The following SEMA3A variants were observed in gnomAD, a reference collection of about 807,000 sequenced individuals.
SEMA3A encodes the protein semaphorin 3A.
SEMA3A carries 29 observed loss-of-function variants against 97.9 expected under a neutral mutation model. The observed-to-expected ratio is 0.30, with a 90% CI of 0.22 to 0.40. SEMA3A has a LOEUF of 0.40. Ranked by LOEUF, SEMA3A falls within the 10% of genes least tolerant of loss-of-function variation. The probability of loss-of-function intolerance (pLI) is 1.00; values close to 1 mark genes in which losing one functional copy is unlikely to be tolerated. For synonymous variants in SEMA3A, 321 were observed against 323.7 expected (o/e 0.99, Z 0.09); for missense variants, 763 against 951.3 (o/e 0.80, Z 2.60).
At chr7:83,977,229 A>G (rs1221164442) in intron 14 of SEMA3A, 33 bp from the exon 15 acceptor site, 1 of 1,309,620 alleles carries the variant, frequency 7.6e-7, no homozygotes, top group South Asian at 1.5e-5. Context: ...GTGTTATTGT[A>G]TCCTTATTTT....
rs538569623 is a variant in SEMA3A, at chr7:83,986,281, T to C, written c.1453-804A>G. Among the ~76,000 whole-genome samples the C allele has an allele frequency of 2.7e-5, 4 of 150,732 alleles. No individual in the cohort carries two copies. The East Asian group carries it at 8.0e-4, about 30-fold the overall frequency. On this transcript the variant is annotated intron_variant, in intron 12 of 16. Transcript: ENST00000265362. Reference sequence around the variant, plus strand: ...GATTACTTCATTATTATGAAAAACATGGTTTCATGTGCGAGGACCTACACT... The same window carrying C: ...GATTACTTCATTATTATGAAAAACACGGTTTCATGTGCGAGGACCTACACT...
intron 1 of SEMA3A, among the ~76,000 whole-genome samples, chr7:84,395,027 T>G (rs1226324139): frequency 6.6e-6 from 1 of 152,072 alleles, no homozygotes; most frequent in African/African-American, 2.4e-5. Context: ...GCCTTGGACA[T>G]GCTTAAAGTA....
chr7:84,199,315 C>T (rs1562848501), upstream of SEMA3A, among the ~76,000 whole-genome samples: 5 of 152,168 alleles, frequency 3.3e-5, no homozygotes, highest in Admixed American at 1.3e-4. Flanking sequence ...AAATCACCTT[C>T]CATACCCATT....
At chr7:84,236,928 C>A (rs1484118279) in intron 3 of SEMA3A, among the ~76,000 whole-genome samples, 1 of 151,338 alleles carries the variant, frequency 6.6e-6, no homozygotes, top group Non-Finnish European at 1.5e-5. Flanking sequence ...GTGTTAATTA[C>A]CTGGAAAAAA....
At chr7:84,232,414 A>G (rs2116359512) in intron 3 of SEMA3A, among the ~76,000 whole-genome samples, 1 of 150,902 alleles carries the variant, frequency 6.6e-6, no homozygotes, top group South Asian at 2.1e-4. Context: ...TCTGTGATAG[A>G]TTGTTTAATC....
intron 15 of SEMA3A, among the ~76,000 whole-genome samples, chr7:83,965,648 A>ATATG (rs1788649403): frequency 1.2e-4 from 1 of 8,524 alleles, no homozygotes; most frequent in African/African-American, 4.4e-4. Context: ...ATATATATAT[A>ATATG]TATATATATA....
chr7:84,090,746 A>C (rs1255163413), intron 4 of SEMA3A, among the ~76,000 whole-genome samples: 1 of 152,030 alleles, frequency 6.6e-6, no homozygotes, highest in African/African-American at 2.4e-5. Context: ...AAATATGTAA[A>C]ATATTCCAGA....
chr7:84,471,732 C>A (rs2116411565), intron 1 of SEMA3A, among the ~76,000 whole-genome samples: 1 of 152,124 alleles, frequency 6.6e-6, no homozygotes, highest in Non-Finnish European at 1.5e-5. Context: ...CCAATTCCCC[C>A]AACCAAAAAG....
At chr7:84,085,402 G>GAA (rs913282610) in intron 4 of SEMA3A, among the ~76,000 whole-genome samples, 1 of 146,326 alleles carries the variant, frequency 6.8e-6, no homozygotes. Context: ...TATTCTGGGA[G>GAA]AAAAAAAAAA....
At chr7:83,984,287 C>G (rs7458473) in intron 13 of SEMA3A, among the ~76,000 whole-genome samples, 3 of 152,054 alleles carry the variant, frequency 2.0e-5, no homozygotes, top group African/African-American at 7.2e-5. Flanking sequence ...TAACAATTTT[C>G]AGATTACGAG....
At chr7:84,328,014 T>C (rs1009436916) in intron 2 of SEMA3A, among the ~76,000 whole-genome samples, 9 of 152,006 alleles carry the variant, frequency 5.9e-5, no homozygotes, top group African/African-American at 2.2e-4. Context: ...GGGATAAAGG[T>C]TAGATTACGA....
chr7:84,446,245 A>G (rs1395470190), intron 1 of SEMA3A, among the ~76,000 whole-genome samples: 1 of 152,214 alleles, frequency 6.6e-6, no homozygotes, highest in African/African-American at 2.4e-5. Flanking sequence ...CAGCTCTGAT[A>G]TCTTCACCAA....
At chr7:84,271,515 AAC>A (rs1800152529) in intron 3 of SEMA3A, among the ~76,000 whole-genome samples, 1 of 152,154 alleles carries the variant, frequency 6.6e-6, no homozygotes. Context: ...CTTTAATAGA[AAC>A]ACAAATGTAA....
At chr7:84,022,300 GATAT>G (rs1397744732) in intron 6 of SEMA3A, among the ~76,000 whole-genome samples, 1 of 152,144 alleles carries the variant, frequency 6.6e-6, no homozygotes, top group Non-Finnish European at 1.5e-5. Context: ...GAAAGTTCAT[GATAT>G]TCACAAAGGA....
At chr7:84,249,834 G>GAAGT (rs1330389857) in intron 3 of SEMA3A, among the ~76,000 whole-genome samples, 1 of 149,778 alleles carries the variant, frequency 6.7e-6, no homozygotes, top group Non-Finnish European at 1.5e-5. Flanking sequence ...AATTATTTCA[G>GAAGT]AAGTCAAGTG....
chr7:83,981,542 A>G, intron 13 of SEMA3A, 64 bp from the exon 14 acceptor site: 1 of 1,318,428 alleles, frequency 7.6e-7, no homozygotes, highest in Non-Finnish European at 1.0e-6. Flanking sequence ...TGTTCTCTTA[A>G]AAAAGAGTTT....
intron 2 of SEMA3A, among the ~76,000 whole-genome samples, chr7:84,326,242 G>T (rs747089268): frequency 9.2e-5 from 14 of 152,224 alleles, no homozygotes; most frequent in Middle Eastern, 3.4e-3. Flanking sequence ...ATGCATGTTG[G>T]TTGCTTATGC....
At chr7:83,963,742 G>C (rs1440218866) in intron 15 of SEMA3A, among the ~76,000 whole-genome samples, 1 of 152,124 alleles carries the variant, frequency 6.6e-6, no homozygotes, top group Non-Finnish European at 1.5e-5. Context: ...AACACAAAAA[G>C]TTATTGGAAT....
intron 4 of SEMA3A, among the ~76,000 whole-genome samples, chr7:84,072,705 G>C (rs1422389570): frequency 6.6e-6 from 1 of 151,930 alleles, no homozygotes; most frequent in Admixed American, 6.6e-5. Context: ...TGAATCTCAA[G>C]GAGTATACCA....
Sources: gnomAD v4.1 joint callset for allele counts (sites outside exome capture counted in the v4.1 genomes callset) on GRCh38, gnomAD v4.1.1 for gene constraint, MANE v1.5 for transcripts, NCBI Gene and HGNC (gene_info 2026-07-23, HGNC 2026-07-21) for gene names.